CREBZF: variants seen among roughly 807,000 people sequenced by gnomAD.
CREBZF encodes CREB/ATF bZIP transcription factor.
In CREBZF, 8 loss-of-function variants were observed where a neutral mutation model predicts 21.1. The observed-to-expected ratio is 0.38, with a 90% confidence interval of 0.22 to 0.68. The LOEUF (loss-of-function observed/expected upper bound fraction) is 0.68. CREBZF is among the 30% of genes least tolerant of loss of function. The pLI is 0.51. For missense variants in CREBZF, 518 were observed against 484.3 expected, an observed-to-expected ratio of 1.07 and a Z score of -0.65; for synonymous variants, 270 against 223.3, an observed-to-expected ratio of 1.21 and a Z score of -1.86.
chr11:85,658,504 A>G lies in CREBZF; in HGVS notation c.*5307T>C, dbSNP rs560504986. On this transcript the variant is annotated 3_prime_UTR_variant, in exon 1 of 1. Coordinates refer to ENST00000527447, the MANE Select transcript of CREBZF (RefSeq NM_001039618.4). Reference sequence around the variant, plus strand: ...GCCAAAATTTTTGTTCAGAGGGCAGATATCTGCATTATTTAAGGACATTTA... The same window carrying G: ...GCCAAAATTTTTGTTCAGAGGGCAGGTATCTGCATTATTTAAGGACATTTA... Among the ~76,000 whole-genome samples the G allele has an allele frequency of 1.8e-4, 27 of 152,094 alleles. No homozygotes were observed. The highest frequency in any genetic ancestry group is 3.8e-4 in the Non-Finnish European group (26 of 67,914).
chr11:85,669,821 T>C (rs2082899580), upstream of CREBZF, among the ~76,000 whole-genome samples: 1 of 152,106 alleles, frequency 6.6e-6, no homozygotes, highest in Non-Finnish European at 1.5e-5. Context: ...TTTGTTTGTT[T>C]GTTTGAGACA....
chr11:85,662,760 C>A lies in CREBZF; in HGVS notation c.*1051G>T, dbSNP rs2082719829. ...ACACGTTTTCATTCACATTTCACAA[C>A]CTTCAATATCTAATCATACATATAT... is the stretch of plus-strand genomic sequence containing the variant. On this transcript the variant is annotated 3_prime_UTR_variant, in exon 1 of 1. Transcript: ENST00000527447. The A allele has an allele frequency of 3.9e-6, 1 of 254,856 alleles. No homozygotes were observed. Among genetic ancestry groups the A allele is most frequent in the Non-Finnish European group, 7.4e-6 (1 of 135,050 alleles). 15.8% of individuals were successfully genotyped at this position (254,856 alleles called of 1,614,324 possible). A position where few individuals can be genotyped will look rare whatever the true frequency, so the allele number is the denominator to read the frequency against.
In CREBZF at chr11:85,662,222, G is replaced by T; in HGVS notation, c.*1589C>A. On this transcript the variant is annotated 3_prime_UTR_variant, in exon 1 of 1. Coordinates refer to ENST00000527447, the MANE Select transcript of CREBZF (RefSeq NM_001039618.4). ...CAACAAAACATTTACAGTTGTGCAA[G>T]AACAAGGATTCCATTTTCATAACCA... 1.7e-6 allele frequency: 1 copy of T among 581,628 alleles called. No homozygotes were observed. The highest frequency in any genetic ancestry group is 3.2e-6 in the Non-Finnish European group (1 of 316,198). 36.0% of individuals were successfully genotyped at this position (581,628 alleles called of 1,614,324 possible).
intron 1 of CREBZF, among the ~76,000 whole-genome samples, chr11:85,676,979 T>C (rs1364365640): frequency 1.3e-5 from 2 of 148,996 alleles, no homozygotes; most frequent in African/African-American, 5.0e-5. Flanking sequence ...TCTTTTTTTT[T>C]TTGAGACAGA....
At chr11:85,671,643 A>G (rs767091046) in intron 1 of CREBZF, among the ~76,000 whole-genome samples, 15 of 152,252 alleles carry the variant, frequency 9.9e-5, no homozygotes, top group Non-Finnish European at 1.6e-4. Flanking sequence ...GCCCCATGCA[A>G]GTCCATAATC....
chr11:85,671,487 A>G (rs938536573), intron 1 of CREBZF, among the ~76,000 whole-genome samples: 1 of 152,234 alleles, frequency 6.6e-6, no homozygotes, highest in Non-Finnish European at 1.5e-5. Context: ...CCAAAGTCTC[A>G]TTGGAGGCAA....
rs1591483714 is a variant in CREBZF, at chr11:85,664,744, C to T, written c.132G>A (p.Glu44=). The change falls in exon 1 of 1, where the codon GAG becomes GAA. Residue 44 remains glutamate (E), a synonymous_variant. Coordinates refer to ENST00000527447, the MANE Select transcript of CREBZF (RefSeq NM_001039618.4). The surrounding 1 kb of genome is among the most constrained non-coding windows in gnomAD (Gnocchi z 5.5). ...DLTRAAAGEE[E]TAAAGSPGRK... ...GGCCGGGAGATCCGGCCGCCGCCGT[C>T]TCCTCCTCCCCCGCTGCAGCCCGGG... 4 of 1,607,222 alleles carry T rather than the reference C, an allele frequency of 2.5e-6. No homozygotes were observed. The African/African-American group carries it at 4.0e-5, about 16-fold the overall frequency.
intron 1 of CREBZF, among the ~76,000 whole-genome samples, chr11:85,671,038 T>C (rs1327041150): frequency 6.6e-6 from 1 of 152,194 alleles, no homozygotes; most frequent in Non-Finnish European, 1.5e-5. Flanking sequence ...CTCACACTGC[T>C]ACAAAGAACT....
chr11:85,679,883 A>T (rs1168138473), intron 1 of CREBZF, among the ~76,000 whole-genome samples: 1 of 152,234 alleles, frequency 6.6e-6, no homozygotes, highest in Non-Finnish European at 1.5e-5. Context: ...AAACAGAAAT[A>T]TAGCTTATTG....
In CREBZF at chr11:85,660,676, G is replaced by A; in HGVS notation, c.*3135C>T. 1 of 444,424 alleles carries A rather than the reference G, an allele frequency of 2.3e-6. No individual in the cohort carries two copies. The highest frequency in any genetic ancestry group is 1.6e-5 in the South Asian group (1 of 62,038). The allele number at this position is 444,424 out of a possible 1,614,324, so 27.5% of individuals were successfully genotyped here. Reference sequence around the variant, plus strand: ...ATTTAAAATATTTTGAACACTTCTTGTTGGATTATATCAGAGGTGTGACTA... The same window carrying A: ...ATTTAAAATATTTTGAACACTTCTTATTGGATTATATCAGAGGTGTGACTA... On this transcript the variant is annotated 3_prime_UTR_variant, in exon 1 of 1. Transcript: ENST00000527447.
intron 1 of CREBZF, among the ~76,000 whole-genome samples, chr11:85,674,908 ACC>A (rs1218649249): frequency 1.3e-5 from 2 of 152,158 alleles, no homozygotes; most frequent in Non-Finnish European, 2.9e-5. Context: ...CCTTCAGAAT[ACC>A]CAAACCTCAT....
chr11:85,671,622 A>G (rs1279555997), intron 1 of CREBZF, among the ~76,000 whole-genome samples: 1 of 152,228 alleles, frequency 6.6e-6, no homozygotes, highest in Non-Finnish European at 1.5e-5. Flanking sequence ...GCCAAAACAA[A>G]GGGGCTACAG....
chr11:85,673,950 G>A (rs2082928196), intron 1 of CREBZF, among the ~76,000 whole-genome samples: 1 of 152,204 alleles, frequency 6.6e-6, no homozygotes, highest in African/African-American at 2.4e-5. Context: ...TCATGAGACT[G>A]CAGTAATTCA....
Position 85,662,494 on chromosome 11 carries a change from A to G in CREBZF, c.*1317T>C. 1 of 707,658 alleles carries G rather than the reference A, an allele frequency of 1.4e-6. No homozygotes were observed. The highest frequency in any genetic ancestry group is 2.6e-6 in the Non-Finnish European group (1 of 380,186). The allele number at this position is 707,658 out of a possible 1,614,324, so 43.8% of individuals were successfully genotyped here. On this transcript the variant is annotated 3_prime_UTR_variant, in exon 1 of 1. Transcript: ENST00000527447. Reference sequence around the variant, plus strand: ...AGAAAAACAAGGATGCTAAATACGTATATACTTTATCAAGCAGTGATGTTT... The same window carrying G: ...AGAAAAACAAGGATGCTAAATACGTGTATACTTTATCAAGCAGTGATGTTT...
At chr11:85,667,417 A>G (rs2082880267), upstream of CREBZF, among the ~76,000 whole-genome samples, 1 of 152,234 alleles carries the variant, frequency 6.6e-6, no homozygotes, top group Non-Finnish European at 1.5e-5. Flanking sequence ...TGTTTGTCAC[A>G]TGACCAATTG....
intron 1 of CREBZF, among the ~76,000 whole-genome samples, chr11:85,678,438 T>C (rs2082955573): frequency 6.6e-6 from 1 of 152,198 alleles, no homozygotes; most frequent in Non-Finnish European, 1.5e-5. Context: ...TTAAATAATT[T>C]TTTTACTTAA....
At position 85,664,108 on chromosome 11, in the gene CREBZF, G is replaced by T; in HGVS notation, c.768C>A (p.Arg256=). The T allele has an allele frequency of 6.2e-7, 1 of 1,613,632 alleles. No homozygotes were observed. Among genetic ancestry groups the T allele is most frequent in the Non-Finnish European group, 8.5e-7 (1 of 1,180,038 alleles). ...GACTCTCCTCCTGCAGTGCCTGTAC[G>T]CGTTTGCCCAGCTCCCGATTCTCGG... ...LRAENRELGK[R]VQALQEESRY... The change falls in exon 1 of 1, where the codon CGC becomes CGA. Residue 256 remains arginine, a synonymous_variant. Transcript: ENST00000527447. This position sits in a 1 kb window ranked among gnomAD's most constrained non-coding sequence, Gnocchi z 5.5.
At chr11:85,666,580 CT>C (rs2082866481), upstream of CREBZF, among the ~76,000 whole-genome samples, 1 of 152,184 alleles carries the variant, frequency 6.6e-6, no homozygotes, top group Non-Finnish European at 1.5e-5. Flanking sequence ...CTATAGGATA[CT>C]GAATAATGTA....
chr11:85,663,481 A>G lies in CREBZF; in HGVS notation c.*330T>C. On this transcript the variant is annotated 3_prime_UTR_variant, in exon 1 of 1. Transcript: ENST00000527447. ...GAGATGTTGCCCATTAAAGTAGACAAAGCAGCAGAGCATGAGCGTTACGGG... is the reference window on the plus strand; with the variant it reads ...GAGATGTTGCCCATTAAAGTAGACAGAGCAGCAGAGCATGAGCGTTACGGG... The G allele has an allele frequency of 1.2e-6, 1 of 823,802 alleles. No homozygotes were observed. Among genetic ancestry groups the G allele is most frequent in the East Asian group, 2.7e-5 (1 of 37,718 alleles). 51.0% of individuals were successfully genotyped at this position (823,802 alleles called of 1,614,324 possible).
Sources: allele counts gnomAD v4.1 joint callset (sites outside exome capture counted in the v4.1 genomes callset), GRCh38; gene constraint gnomAD v4.1.1; non-coding constraint Gnocchi (gnomAD v3.1); transcripts MANE v1.5; gene names NCBI Gene and HGNC (gene_info 2026-07-23, HGNC 2026-07-21).